The following PTPRK variants were observed in gnomAD, a reference collection of about 807,000 sequenced individuals.
PTPRK encodes the protein receptor-type tyrosine-protein phosphatase kappa.
Under a neutral mutation model 178.0 loss-of-function variants are expected in PTPRK, and 75 were observed. The ratio of observed to expected loss-of-function variants is 0.42; its 90% CI spans 0.35 to 0.51. The LOEUF (loss-of-function observed/expected upper bound fraction) is 0.51, where lower values mean the gene tolerates loss of function less well. PTPRK is among the 20% of genes least tolerant of loss of function. The pLI, the probability that PTPRK is intolerant of heterozygous loss-of-function variation, is 0.02. For missense variants in PTPRK, 1,441 were observed against 1,797.8 expected, an observed-to-expected ratio of 0.80 and a Z score of 3.59; for synonymous variants, 637 against 620.6, an observed-to-expected ratio of 1.03 and a Z score of -0.39.
intron 3 of PTPRK, among the ~76,000 whole-genome samples, chr6:128,266,887 G>A (rs907218513): frequency 4.6e-5 from 7 of 152,202 alleles, no homozygotes; most frequent in South Asian, 2.1e-4. Flanking sequence ...GAGGAATATA[G>A]CAAAGAGTAA....
At chr6:128,296,903 T>C (rs1824526090) in intron 3 of PTPRK, among the ~76,000 whole-genome samples, 1 of 151,962 alleles carries the variant, frequency 6.6e-6, no homozygotes, top group South Asian at 2.1e-4. Flanking sequence ...ATGGACTAAA[T>C]GCTCCAATTA....
At chr6:128,037,437 G>A (rs902489904) in intron 13 of PTPRK, among the ~76,000 whole-genome samples, 1 of 152,146 alleles carries the variant, frequency 6.6e-6, no homozygotes, top group African/African-American at 2.4e-5. Context: ...TCCTCTGAGA[G>A]AGTTACCCAA....
intron 2 of PTPRK, among the ~76,000 whole-genome samples, chr6:128,330,382 A>AT (rs1370544271): frequency 6.6e-6 from 1 of 151,714 alleles, no homozygotes; most frequent in Non-Finnish European, 1.5e-5. Flanking sequence ...TCCTACCACT[A>AT]TTTTTTTCAT....
intron 3 of PTPRK, among the ~76,000 whole-genome samples, chr6:128,249,004 C>CT (rs1048937584): frequency 1.3e-5 from 2 of 151,952 alleles, no homozygotes; most frequent in African/African-American, 4.8e-5. Flanking sequence ...CTCTCTCTGC[C>CT]TTTTTTTATA....
intron 6 of PTPRK, among the ~76,000 whole-genome samples, chr6:128,202,336 C>T (rs904852202): frequency 6.6e-5 from 10 of 152,200 alleles, no homozygotes; most frequent in African/African-American, 2.4e-4. Flanking sequence ...TTGCAACCTG[C>T]AGATCAGGAG....
intron 3 of PTPRK, among the ~76,000 whole-genome samples, chr6:128,257,433 G>T (rs1384484706): frequency 1.3e-5 from 2 of 152,114 alleles, no homozygotes; most frequent in Admixed American, 1.3e-4. Context: ...CCAGATTCAA[G>T]AACTGGAATC....
chr6:128,222,393 C>T (rs151310196), intron 5 of PTPRK, among the ~76,000 whole-genome samples: 39 of 152,302 alleles, frequency 2.6e-4, no homozygotes, highest in South Asian at 4.1e-4. Flanking sequence ...CACTCAATCA[C>T]CTCTCAACTT....
At chr6:128,404,323 T>C (rs1295969769) in intron 1 of PTPRK, among the ~76,000 whole-genome samples, 1 of 152,160 alleles carries the variant, frequency 6.6e-6, no homozygotes, top group African/African-American at 2.4e-5. Context: ...GGGCCTTCCG[T>C]CCAAATGCTT....
At chr6:128,460,372 G>C (rs773018757) in intron 1 of PTPRK, among the ~76,000 whole-genome samples, 1 of 151,692 alleles carries the variant, frequency 6.6e-6, no homozygotes, top group Non-Finnish European at 1.5e-5. Context: ...GTGAGATCTC[G>C]TCTCTACTAA....
chr6:128,497,024 A>G (rs1462567562), intron 1 of PTPRK, among the ~76,000 whole-genome samples: 2 of 152,252 alleles, frequency 1.3e-5, no homozygotes, highest in East Asian at 3.8e-4. Context: ...TCCAAAAAGT[A>G]CACCAAAATA....
rs1774866275 is a variant in PTPRK at position 127,978,433 on chromosome 6, C to T, written c.3712-1379G>A. 2.6e-5 allele frequency among the ~76,000 whole-genome samples: 4 copies of T among 152,118 alleles called. No individual in the cohort carries two copies. The South Asian group carries it at 8.3e-4, about 32-fold the overall frequency. On this transcript the variant is annotated intron_variant, in intron 25 of 29. Coordinates refer to ENST00000368226, the MANE Select transcript of PTPRK (RefSeq NM_002844.4). ...TTGGCACTCCTTCCCCTTCCTGCCA[C>T]CATGAGAAGAAGGACGGGTTTGCTT...
chr6:128,433,204 G>A (rs373569613), intron 1 of PTPRK, among the ~76,000 whole-genome samples: 2 of 151,968 alleles, frequency 1.3e-5, no homozygotes, highest in Admixed American at 6.5e-5. Context: ...ACACGAGAAC[G>A]TATTCCTTCT....
chr6:127,983,311 C>T lies in PTPRK; in HGVS notation c.3318G>A (p.Glu1106=). Residue 1106 remains glutamate (E), a synonymous_variant, in exon 23 of 30, where the codon GAG becomes GAA. Coordinates refer to ENST00000368226, the MANE Select transcript of PTPRK (RefSeq NM_002844.4). Reference sequence around the variant, plus strand: ...CACAATTGTAAATATCAACAACACCCTCTCTTTCAGCCATGTCTAGCATGA... The same window carrying T: ...CACAATTGTAAATATCAACAACACCTTCTCTTTCAGCCATGTCTAGCATGA... ...IDIMLDMAER[E]GVVDIYNCVK... The T allele has an allele frequency of 1.2e-6, 2 of 1,613,662 alleles. No homozygotes were observed. The highest frequency in any genetic ancestry group is 2.2e-5 in the South Asian group (2 of 91,050).
At chr6:128,085,295 AG>A (rs1233304496) in intron 8 of PTPRK, 8 of 152,348 alleles carry the variant, frequency 5.3e-5, no homozygotes, top group Middle Eastern at 3.4e-3. Flanking sequence ...ATCCAGACAG[AG>A]GGCCAGTGAG....
intron 1 of PTPRK, among the ~76,000 whole-genome samples, chr6:128,428,720 G>A (rs1368885075): frequency 6.6e-6 from 1 of 152,142 alleles, no homozygotes; most frequent in Admixed American, 6.5e-5. Context: ...TACCGATGGG[G>A]TCCCCAACCT....
At chr6:128,464,773 C>T (rs1442062426) in intron 1 of PTPRK, among the ~76,000 whole-genome samples, 1 of 145,006 alleles carries the variant, frequency 6.9e-6, no homozygotes, top group Non-Finnish European at 1.5e-5. Flanking sequence ...GGACAAAATT[C>T]GAGCCATAAC....
At chr6:128,310,451 A>C (rs1031496863) in intron 3 of PTPRK, among the ~76,000 whole-genome samples, 1 of 152,222 alleles carries the variant, frequency 6.6e-6, no homozygotes, top group Non-Finnish European at 1.5e-5. Flanking sequence ...AAAAACAAAC[A>C]AACAAAAAAC....
At chr6:128,172,004 GA>G (rs1800336012) in intron 7 of PTPRK, among the ~76,000 whole-genome samples, 3 of 151,828 alleles carry the variant, frequency 2.0e-5, no homozygotes, top group African/African-American at 7.3e-5. Context: ...AGAATGTTTT[GA>G]AAATCTTTTC....
At chr6:128,195,949 T>A (rs182652032) in intron 6 of PTPRK, among the ~76,000 whole-genome samples, 2 of 152,208 alleles carry the variant, frequency 1.3e-5, no homozygotes, top group African/African-American at 2.4e-5. Flanking sequence ...AAAACAATCA[T>A]GTGTCTTATT....
Sources: gnomAD v4.1 joint callset for allele counts (sites outside exome capture counted in the v4.1 genomes callset) on GRCh38, gnomAD v4.1.1 for gene constraint, MANE v1.5 for transcripts, NCBI Gene and HGNC (gene_info 2026-07-23, HGNC 2026-07-21) for gene names.